Variants in BRD10 observed in about 807,000 individuals in gnomAD.
The protein encoded by BRD10 is uncharacterized bromodomain-containing protein 10.
the BRD10 span, among the ~76,000 whole-genome samples, chr9:5,956,041 T>C: frequency 6.6e-6 from 1 of 152,120 alleles, no homozygotes; most frequent in Non-Finnish European, 1.5e-5. Flanking sequence ...GACTTATGTA[T>C]GGGAAGGTTT....
chr9:5,937,774 G>A, the BRD10 span, among the ~76,000 whole-genome samples: 1 of 152,344 alleles, frequency 6.6e-6, no homozygotes, highest in African/African-American at 2.4e-5. Flanking sequence ...CCAAACTGCA[G>A]TAAGTAGAAA....
the BRD10 span, among the ~76,000 whole-genome samples, chr9:5,989,038 C>A: frequency 6.6e-6 from 1 of 151,960 alleles, no homozygotes; most frequent in Non-Finnish European, 1.5e-5. Flanking sequence ...TGAGACCAGC[C>A]TGACCAACAC....
the BRD10 span, among the ~76,000 whole-genome samples, chr9:5,887,745 T>A: frequency 6.6e-6 from 1 of 152,220 alleles, no homozygotes; most frequent in Admixed American, 6.5e-5. Flanking sequence ...TGAGATAGCC[T>A]CCACTCTGGG....
chr9:6,008,157 C>T, the BRD10 span: 1 of 979,548 alleles, frequency 1.0e-6, no homozygotes, highest in Non-Finnish European at 1.2e-6. Flanking sequence ...CACCCCCTCC[C>T]GGGCCAGCGG....
the BRD10 span, among the ~76,000 whole-genome samples, chr9:5,966,751 C>T: frequency 6.6e-6 from 1 of 152,006 alleles, no homozygotes; most frequent in Non-Finnish European, 1.5e-5. Context: ...AGCCACCGTG[C>T]CCAGCCTAGA....
At chr9:5,893,104 C>T in the BRD10 span, among the ~76,000 whole-genome samples, 1 of 152,206 alleles carries the variant, frequency 6.6e-6, no homozygotes, top group South Asian at 2.1e-4. Context: ...TTAAGCATTT[C>T]TAAATGCTAA....
the BRD10 span, among the ~76,000 whole-genome samples, chr9:5,880,935 C>A: frequency 2.6e-5 from 4 of 152,234 alleles, no homozygotes; most frequent in South Asian, 8.3e-4. Flanking sequence ...GAACCCCTGA[C>A]CTCATGATCC....
chr9:5,967,214 ACTT>A, the BRD10 span, among the ~76,000 whole-genome samples: 27 of 152,052 alleles, frequency 1.8e-4, no homozygotes, highest in African/African-American at 4.8e-4. Flanking sequence ...CAATCAAGCA[ACTT>A]CTTATTAGGG....
chr9:5,913,782 C>G, the BRD10 span: 1 of 197,260 alleles, frequency 5.1e-6, no homozygotes, highest in African/African-American at 2.4e-5. Flanking sequence ...CTTAAAAAGG[C>G]TTGAAGGAGA....
chr9:5,983,708 T>C, the BRD10 span, among the ~76,000 whole-genome samples: 1 of 151,752 alleles, frequency 6.6e-6, no homozygotes, highest in African/African-American at 2.4e-5. Flanking sequence ...AGAAGCGAAA[T>C]GAACCTCAAG....
the BRD10 span, among the ~76,000 whole-genome samples, chr9:5,994,901 CT>C: frequency 1.7e-3 from 246 of 141,550 alleles, no homozygotes; most frequent in East Asian, 1.4e-3. Context: ...TATCATTTTT[CT>C]TTTTTTTTTT....
At chr9:5,984,348 AG>A in the BRD10 span, among the ~76,000 whole-genome samples, 4 of 152,216 alleles carry the variant, frequency 2.6e-5, no homozygotes, top group African/African-American at 4.8e-5. Context: ...TGGTATACAG[AG>A]GCATACTGTC....
At chr9:5,920,433 C>A in the BRD10 span, 1 of 1,613,952 alleles carries the variant, frequency 6.2e-7, no homozygotes, top group African/African-American at 1.3e-5. Context: ...TTGGATGGTG[C>A]CGAAGCCGTG....
At chr9:5,897,593 A>T in the BRD10 span, 2 of 1,614,036 alleles carry the variant, frequency 1.2e-6, no homozygotes, top group Non-Finnish European at 1.7e-6. Context: ...TGATCCTGGG[A>T]GTCTTACTGC....
At chr9:5,925,129 T>C in the BRD10 span, among the ~76,000 whole-genome samples, 1 of 152,026 alleles carries the variant, frequency 6.6e-6, no homozygotes, top group South Asian at 2.1e-4. Context: ...GAGGCCGAGG[T>C]AGGCAGACCT....
the BRD10 span, chr9:6,007,637 C>A: frequency 6.2e-7 from 1 of 1,602,932 alleles, no homozygotes; most frequent in Non-Finnish European, 8.5e-7. Flanking sequence ...TCCGCGTCCT[C>A]CAGCGAGGAG....
the BRD10 span, among the ~76,000 whole-genome samples, chr9:5,971,628 A>C: frequency 6.6e-6 from 1 of 152,222 alleles, no homozygotes; most frequent in South Asian, 2.1e-4. Context: ...AACTGTCATT[A>C]GTGATTTGGT....
chr9:5,980,016 AAAAAAAAAAAAAG>A, the BRD10 span, among the ~76,000 whole-genome samples: 5 of 30,434 alleles, frequency 1.6e-4, no homozygotes, highest in Non-Finnish European at 3.3e-4. Context: ...CTCCATCTCA[AAAAAAAAAAAAAG>A]AAAAAAAAAA....
chr9:5,969,580 G>A, the BRD10 span: 1 of 640,224 alleles, frequency 1.6e-6, no homozygotes, highest in Non-Finnish European at 2.5e-6. Context: ...GTCTCGCTCT[G>A]TCCCCCAGGC....
Sources: allele counts gnomAD v4.1 joint callset (sites outside exome capture counted in the v4.1 genomes callset), GRCh38; gene constraint gnomAD v4.1.1; transcripts MANE v1.5; gene names NCBI Gene and HGNC (gene_info 2026-07-23, HGNC 2026-07-21).